The following FTO variants were observed in gnomAD, a reference collection of about 807,000 sequenced individuals.
The protein encoded by FTO is FTO alpha-ketoglutarate dependent dioxygenase.
A neutral mutation model predicts 63.9 loss-of-function variants in FTO; 47 were observed. That is an observed-to-expected ratio of 0.74 (90% CI 0.58 to 0.94). The LOEUF (loss-of-function observed/expected upper bound fraction) is 0.94. FTO is among the 40% of genes least tolerant of loss of function. The pLI is 0.00. For synonymous variants in FTO, 207 were observed against 224.4 expected (o/e 0.92, Z 0.69); for missense variants, 562 against 618.1 (o/e 0.91, Z 0.96).
At chr16:53,950,175 A>AAAAAAAAAAAAAAAAAAAAAAAAAAAAC (rs2082754126) in intron 8 of FTO, among the ~76,000 whole-genome samples, 1 of 142,894 alleles carries the variant, frequency 7.0e-6, no homozygotes, top group Non-Finnish European at 1.6e-5. Context: ...AAAAAAAAAA[A>AAAAAAAAAAAAAAAAAAAAAAAAAAAAC]AAAACTTAAT....
chr16:53,787,586 T>C (rs1379578398), intron 1 of FTO, among the ~76,000 whole-genome samples: 1 of 152,180 alleles, frequency 6.6e-6, no homozygotes, highest in African/African-American at 2.4e-5. Flanking sequence ...TTGTTGTCAG[T>C]AGGAGAAGCC....
intron 1 of FTO, among the ~76,000 whole-genome samples, chr16:53,801,510 C>A (rs2151714368): frequency 6.6e-6 from 1 of 152,090 alleles, no homozygotes; most frequent in African/African-American, 2.4e-5. Flanking sequence ...ATATAGTTAC[C>A]ATTTCTGATA....
At chr16:53,980,850 A>G (rs776904746) in intron 8 of FTO, among the ~76,000 whole-genome samples, 11 of 152,258 alleles carry the variant, frequency 7.2e-5, no homozygotes, top group Non-Finnish European at 1.3e-4. Context: ...CAAAGCAACC[A>G]TAACTGAGAC....
At chr16:53,717,895 T>A (rs2075933865) in intron 1 of FTO, among the ~76,000 whole-genome samples, 1 of 152,130 alleles carries the variant, frequency 6.6e-6, no homozygotes, top group Admixed American at 6.5e-5. Context: ...TTAATTGCCA[T>A]CGATTTATAA....
chr16:53,767,450 A>G (rs1223942203), intron 1 of FTO, among the ~76,000 whole-genome samples: 2 of 152,308 alleles, frequency 1.3e-5, no homozygotes, highest in African/African-American at 4.8e-5. Context: ...ACATGTATAC[A>G]TATGTAACTA....
chr16:54,048,408 C>T (rs920495532), intron 8 of FTO, among the ~76,000 whole-genome samples: 1 of 151,888 alleles, frequency 6.6e-6, no homozygotes, highest in Admixed American at 6.6e-5. Context: ...TCAGTGAAGG[C>T]AAAAGTCGTT....
chr16:53,820,284 C>T (rs1202935044), intron 2 of FTO, among the ~76,000 whole-genome samples: 1 of 152,080 alleles, frequency 6.6e-6, no homozygotes, highest in East Asian at 1.9e-4. Flanking sequence ...GCTGGGATTA[C>T]AGGTGTAAGC....
At chr16:54,022,337 C>G (rs929632221) in intron 8 of FTO, among the ~76,000 whole-genome samples, 5 of 151,964 alleles carry the variant, frequency 3.3e-5, no homozygotes, top group African/African-American at 1.2e-4. Context: ...GAACAACAAC[C>G]GACTTGCCCA....
chr16:53,749,142 T>G (rs2076719603), intron 1 of FTO, among the ~76,000 whole-genome samples: 1 of 152,240 alleles, frequency 6.6e-6, no homozygotes, highest in African/African-American at 2.4e-5. Flanking sequence ...GAAAGACTAC[T>G]GATTTTTGTG....
At chr16:53,973,993 A>G (rs2083384840) in intron 8 of FTO, among the ~76,000 whole-genome samples, 1 of 152,202 alleles carries the variant, frequency 6.6e-6, no homozygotes, top group African/African-American at 2.4e-5. Context: ...CAGTGTTGCT[A>G]CATTTTCAAG....
intron 3 of FTO, among the ~76,000 whole-genome samples, chr16:53,842,006 G>A (rs539483449): frequency 7.9e-5 from 12 of 152,256 alleles, no homozygotes; most frequent in African/African-American, 2.6e-4. Flanking sequence ...TATGTCCTTT[G>A]GTTGTAAATT....
At chr16:53,864,588 T>C (rs1160352767) in intron 4 of FTO, among the ~76,000 whole-genome samples, 1 of 152,082 alleles carries the variant, frequency 6.6e-6, no homozygotes, top group Non-Finnish European at 1.5e-5. Flanking sequence ...CAGCAAAGAG[T>C]GAGAGCGTCT....
At chr16:54,091,171 A>T (rs2086375726) in intron 8 of FTO, among the ~76,000 whole-genome samples, 1 of 152,212 alleles carries the variant, frequency 6.6e-6, no homozygotes, top group South Asian at 2.1e-4. Context: ...AACACCATGG[A>T]CATATGCATG....
At chr16:54,083,336 T>G (rs2086190065) in intron 8 of FTO, among the ~76,000 whole-genome samples, 1 of 152,148 alleles carries the variant, frequency 6.6e-6, no homozygotes, top group African/African-American at 2.4e-5. Context: ...TAAGGTTACT[T>G]TCATTAATTA....
intron 8 of FTO, among the ~76,000 whole-genome samples, chr16:53,934,674 T>C (rs1246861099): frequency 1.3e-5 from 2 of 152,184 alleles, no homozygotes; most frequent in Admixed American, 1.3e-4. Flanking sequence ...CTGTACAGCA[T>C]GTTGCTGTAC....
intron 1 of FTO, among the ~76,000 whole-genome samples, chr16:53,751,931 T>G (rs965591883): frequency 1.3e-5 from 2 of 152,254 alleles, no homozygotes; most frequent in African/African-American, 2.4e-5. Flanking sequence ...TTTACCTTCT[T>G]GAAGTAAGAT....
intron 1 of FTO, among the ~76,000 whole-genome samples, chr16:53,794,371 T>C (rs1237365366): frequency 1.3e-5 from 2 of 152,186 alleles, no homozygotes; most frequent in Admixed American, 1.3e-4. Context: ...ACAGACAAGA[T>C]AGTGTTGTAG....
chr16:54,050,161 TG>T (rs1336615451), intron 8 of FTO, among the ~76,000 whole-genome samples: 18 of 152,254 alleles, frequency 1.2e-4, no homozygotes, highest in South Asian at 6.2e-4. Flanking sequence ...GCTTTGACCC[TG>T]ATTTTAAGGA....
At chr16:53,870,300 G>A (rs2080458622) in intron 4 of FTO, among the ~76,000 whole-genome samples, 1 of 152,152 alleles carries the variant, frequency 6.6e-6, no homozygotes, top group South Asian at 2.1e-4. Context: ...GATCTTCACT[G>A]TGAGAACCTG....
Sources: gnomAD v4.1 joint callset for allele counts (sites outside exome capture counted in the v4.1 genomes callset) on GRCh38, gnomAD v4.1.1 for gene constraint, MANE v1.5 for transcripts, NCBI Gene and HGNC (gene_info 2026-07-23, HGNC 2026-07-21) for gene names.